The following ZNF536 variants were observed in gnomAD, a reference collection of about 807,000 sequenced individuals.
The protein encoded by ZNF536 is zinc finger protein 536.
In ZNF536, 13 loss-of-function variants were observed where a neutral mutation model predicts 84.5. The ratio of observed to expected loss-of-function variants is 0.15; its 90% CI spans 0.10 to 0.24. The LOEUF (loss-of-function observed/expected upper bound fraction) is 0.24. Among genes scored for constraint, ZNF536 ranks in the 10% least tolerant of loss-of-function variants. ZNF536 has a pLI of 1.00. For missense variants in ZNF536, 1,536 were observed against 1,747.5 expected (o/e 0.88, Z 2.16); for synonymous variants, 811 against 742.5 (o/e 1.09, Z -1.50).
intron 1 of ZNF536, among the ~76,000 whole-genome samples, chr19:30,413,356 G>T (rs550871571): frequency 2.0e-5 from 3 of 152,016 alleles, no homozygotes; most frequent in African/African-American, 7.2e-5. Context: ...TTACATTAAA[G>T]GTTATAAAGT....
Position 30,646,345 on chromosome 19 carries a change from C to T in ZNF536, c.170-64412C>T, listed in dbSNP as rs552890233. Among the ~76,000 whole-genome samples, 5 of 152,330 alleles carry T rather than the reference C, an allele frequency of 3.3e-5. No individual in the cohort carries two copies. The South Asian group carries it at 1.0e-3, about 32-fold the overall frequency. On this transcript the variant is annotated intron_variant, in intron 1 of 1. Coordinates refer to the ZNF536 transcript ENST00000592773. ...GTATAGCAGCCTCTGGGGAAAGAAG[C>T]TTGAGCCTGCGCACACATGTTCACG...
intron 1 of ZNF536, among the ~76,000 whole-genome samples, chr19:30,647,990 C>T (rs1180313322): frequency 1.3e-5 from 2 of 152,176 alleles, no homozygotes; most frequent in Non-Finnish European, 1.5e-5. Context: ...AGGAAGCTTG[C>T]CTTCACTTTT....
chr19:30,464,211 C>T (rs553497722), intron 2 of ZNF536, among the ~76,000 whole-genome samples: 3 of 152,110 alleles, frequency 2.0e-5, no homozygotes, highest in Non-Finnish European at 4.4e-5. Context: ...GTTCTATGGA[C>T]ACGATGAAGG....
At chr19:30,355,728 T>C (rs1044904059) in intron 3 of ZNF536, among the ~76,000 whole-genome samples, 5 of 152,136 alleles carry the variant, frequency 3.3e-5, no homozygotes, top group Admixed American at 3.3e-4. Context: ...TGAGTGTTAC[T>C]GCCTGAGCTC....
intron 1 of ZNF536, among the ~76,000 whole-genome samples, chr19:30,577,799 G>A (rs1170844170): frequency 6.6e-6 from 1 of 152,178 alleles, no homozygotes; most frequent in Non-Finnish European, 1.5e-5. Context: ...CCATTGTCCT[G>A]TCAAAAATTG....
chr19:30,641,896 G>T (rs904675272), intron 1 of ZNF536, among the ~76,000 whole-genome samples: 10 of 152,208 alleles, frequency 6.6e-5, no homozygotes, highest in African/African-American at 2.4e-4. Flanking sequence ...TTGAGGGGTT[G>T]GTTGTGGATG....
intron 2 of ZNF536, among the ~76,000 whole-genome samples, chr19:30,316,923 G>A (rs2046697883): frequency 6.6e-6 from 1 of 152,196 alleles, no homozygotes; most frequent in Admixed American, 6.5e-5. Context: ...AAGCCTGGCT[G>A]TGGACCCTGA....
chr19:30,472,821 CA>C (rs2053691107), intron 2 of ZNF536, among the ~76,000 whole-genome samples: 1 of 152,016 alleles, frequency 6.6e-6, no homozygotes, highest in African/African-American at 2.4e-5. Flanking sequence ...CTATGTTGTC[CA>C]ATGCTGCAAG....
At chr19:30,418,982 G>A (rs1373867442) in intron 1 of ZNF536, among the ~76,000 whole-genome samples, 1 of 151,900 alleles carries the variant, frequency 6.6e-6, no homozygotes, top group East Asian at 1.9e-4. Context: ...TTTCTGATTA[G>A]AGAAACGATG....
At chr19:30,304,561 C>T (rs2046290281) in intron 2 of ZNF536, among the ~76,000 whole-genome samples, 1 of 152,186 alleles carries the variant, frequency 6.6e-6, no homozygotes, top group Non-Finnish European at 1.5e-5. Context: ...GGGGGCCAAC[C>T]ACTGCCTGTC....
intron 2 of ZNF536, among the ~76,000 whole-genome samples, chr19:30,335,837 C>T (rs1411794571): frequency 6.6e-6 from 1 of 152,160 alleles, no homozygotes; most frequent in Non-Finnish European, 1.5e-5. Context: ...ACTCACAGCT[C>T]AATACTGGGC....
chr19:30,304,190 C>T (rs977014129), intron 2 of ZNF536, among the ~76,000 whole-genome samples: 1 of 152,212 alleles, frequency 6.6e-6, no homozygotes, highest in Non-Finnish European at 1.5e-5. Flanking sequence ...TTTTCTGGGA[C>T]TACCTCCTGC....
intron 2 of ZNF536, among the ~76,000 whole-genome samples, chr19:30,287,025 T>C (rs1470485727): frequency 2.0e-5 from 3 of 152,240 alleles, no homozygotes; most frequent in Non-Finnish European, 4.4e-5. Flanking sequence ...GGAAGCATTT[T>C]AGTGACCTAC....
intron 2 of ZNF536, among the ~76,000 whole-genome samples, chr19:30,515,123 G>T (rs60880327): frequency 0.031 from 4,679 of 152,202 alleles, 262 homozygotes; most frequent in African/African-American, 0.11. Context: ...TTAGTTGGGT[G>T]TGGTGACTCA....
Position 30,661,269 on chromosome 19 carries a change from C to T in ZNF536, c.170-49488C>T, listed in dbSNP as rs148571542. 2.9e-4 allele frequency among the ~76,000 whole-genome samples: 44 copies of T among 152,312 alleles called. No homozygotes were observed. In the East Asian group the frequency reaches 4.1e-3, roughly 14 times the overall value. ...GTGTAAGAGACTACATTGACTGACT[C>T]TCTTAATTTAATCTTTCTTCTGATG... On this transcript the variant is annotated intron_variant, in intron 1 of 1. Coordinates refer to the ZNF536 transcript ENST00000592773.
chr19:30,401,102 A>G (rs2050028298), intron 1 of ZNF536, among the ~76,000 whole-genome samples: 1 of 152,146 alleles, frequency 6.6e-6, no homozygotes, highest in Non-Finnish European at 1.5e-5. Context: ...CAGTTGTTCT[A>G]GCTCCATTTG....
intron 1 of ZNF536, among the ~76,000 whole-genome samples, chr19:30,570,118 T>C (rs2046491661): frequency 6.6e-6 from 1 of 152,158 alleles, no homozygotes; most frequent in Non-Finnish European, 1.5e-5. Context: ...AAGGTTGAGA[T>C]ACCTTGGTGC....
At chr19:30,300,300 T>G (rs2046137479) in intron 2 of ZNF536, 1 of 152,170 alleles carries the variant, frequency 6.6e-6, no homozygotes, top group African/African-American at 2.4e-5. Context: ...ATGCCACATT[T>G]AATTTCCCCA....
intron 3 of ZNF536, among the ~76,000 whole-genome samples, chr19:30,359,028 G>A (rs1056014052): frequency 6.6e-6 from 1 of 152,182 alleles, no homozygotes. Flanking sequence ...CCCATCAAAA[G>A]GGACCGCCAC....
Sources: allele counts gnomAD v4.1 joint callset (sites outside exome capture counted in the v4.1 genomes callset), GRCh38; gene constraint gnomAD v4.1.1; transcripts MANE v1.5; gene names NCBI Gene and HGNC (gene_info 2026-07-23, HGNC 2026-07-21).